PTPRM: variants seen among roughly 807,000 people sequenced by gnomAD.
PTPRM encodes the protein protein tyrosine phosphatase receptor type M, also known as receptor-type tyrosine-protein phosphatase mu.
Under a neutral mutation model 186.7 loss-of-function variants are expected in PTPRM, and 47 were observed. The observed-to-expected ratio is 0.25, with a 90% CI of 0.20 to 0.32. The LOEUF (loss-of-function observed/expected upper bound fraction) is 0.32. PTPRM is among the 10% of genes least tolerant of loss of function. PTPRM has a pLI of 1.00. For missense variants in PTPRM, 1,494 were observed against 1,865.0 expected (o/e 0.80, Z 3.66); for synonymous variants, 668 against 674.9 (o/e 0.99, Z 0.16).
intron 1 of PTPRM, among the ~76,000 whole-genome samples, chr18:7,644,438 C>T (rs2038514405): frequency 6.6e-6 from 1 of 152,082 alleles, no homozygotes; most frequent in African/African-American, 2.4e-5. Context: ...GTCAGTTCTA[C>T]TATGTAGAAG....
chr18:7,972,488 A>AG (rs1294317032), intron 7 of PTPRM, among the ~76,000 whole-genome samples: 1 of 141,610 alleles, frequency 7.1e-6, no homozygotes, highest in Non-Finnish European at 1.5e-5. Context: ...TTAAAAAAAA[A>AG]AAAAAAGGAG....
At chr18:7,737,239 G>T (rs1167241215) in intron 1 of PTPRM, among the ~76,000 whole-genome samples, 1 of 152,066 alleles carries the variant, frequency 6.6e-6, no homozygotes, top group Non-Finnish European at 1.5e-5. Flanking sequence ...GGTATTACAG[G>T]TGCCCGCCAC....
At chr18:7,829,797 C>T (rs1293812347) in intron 2 of PTPRM, among the ~76,000 whole-genome samples, 1 of 152,112 alleles carries the variant, frequency 6.6e-6, no homozygotes, top group African/African-American at 2.4e-5. Context: ...AACCAGAGTC[C>T]TCCTGTGTTG....
intron 7 of PTPRM, among the ~76,000 whole-genome samples, chr18:8,014,362 GTTTT>G (rs1448101630): frequency 6.6e-6 from 1 of 151,944 alleles, no homozygotes; most frequent in Non-Finnish European, 1.5e-5. Flanking sequence ...TATTTCAAAG[GTTTT>G]TTTGTTTGTT....
At chr18:7,914,731 A>T (rs1417321285) in intron 4 of PTPRM, among the ~76,000 whole-genome samples, 1 of 152,276 alleles carries the variant, frequency 6.6e-6, no homozygotes, top group East Asian at 1.9e-4. Flanking sequence ...GTTTAATTGT[A>T]TGTCCATCGT....
chr18:7,946,137 C>T (rs1253434378), intron 5 of PTPRM, among the ~76,000 whole-genome samples: 1 of 152,210 alleles, frequency 6.6e-6, no homozygotes, highest in East Asian at 1.9e-4. Context: ...GTGAGTCATA[C>T]TCCTCTCAGC....
At chr18:7,726,037 T>C (rs975797711) in intron 1 of PTPRM, among the ~76,000 whole-genome samples, 20 of 152,156 alleles carry the variant, frequency 1.3e-4, no homozygotes, top group Non-Finnish European at 2.2e-4. Context: ...GAGTTCGCTC[T>C]TGCTCCTCCC....
intron 7 of PTPRM, among the ~76,000 whole-genome samples, chr18:8,044,901 C>T (rs1413156416): frequency 2.0e-5 from 3 of 152,046 alleles, no homozygotes; most frequent in East Asian, 3.9e-4. Flanking sequence ...TCGTATATTG[C>T]TGGTGGGAAT....
chr18:7,577,546 A>G (rs1415489664), intron 1 of PTPRM, among the ~76,000 whole-genome samples: 3 of 152,244 alleles, frequency 2.0e-5, no homozygotes, highest in Non-Finnish European at 4.4e-5. Flanking sequence ...CAGCATCATG[A>G]TAACATCAGG....
chr18:7,595,743 A>G (rs2037240954), intron 1 of PTPRM, among the ~76,000 whole-genome samples: 1 of 152,226 alleles, frequency 6.6e-6, no homozygotes, highest in African/African-American at 2.4e-5. Flanking sequence ...TGATATTATT[A>G]AGACTATTTC....
intron 1 of PTPRM, chr18:7,751,152 C>T (rs1166741177): frequency 1.3e-5 from 2 of 152,146 alleles, no homozygotes; most frequent in African/African-American, 4.8e-5. Context: ...TCACTTTGTT[C>T]CCAGCTTACC....
At chr18:7,904,875 A>T (rs543165622) in intron 3 of PTPRM, among the ~76,000 whole-genome samples, 22 of 152,340 alleles carry the variant, frequency 1.4e-4, no homozygotes, top group Non-Finnish European at 2.9e-4. Context: ...TGGAGGTCAA[A>T]ATAACATTCA....
intron 14 of PTPRM, among the ~76,000 whole-genome samples, chr18:8,240,797 A>G (rs865915833): frequency 1.2e-3 from 56 of 46,570 alleles, no homozygotes; most frequent in African/African-American, 7.6e-3. Context: ...AGAGAGAGAG[A>G]GAGAGAGAGA....
In PTPRM at chr18:8,126,027, A is replaced by ATATTTTTTT. The variant is rs57751538; in HGVS notation, c.2167+11201_2167+11202insATTTTTTTT. Reference sequence around the variant, plus strand: ...TATATATATATATATATATATATATATTTTAAATCAGTAGACCTTTCCATT... The same window carrying ATATTTTTTT: ...TATATATATATATATATATATATATATATTTTTTTTTTTAAATCAGTAGACCTTTCCATT... On this transcript the variant is annotated intron_variant, in intron 13 of 32. Transcript: ENST00000580170. Among the ~76,000 whole-genome samples the ATATTTTTTT allele has an allele frequency of 7.7e-3, 532 of 69,120 alleles. 19 individuals are homozygous for ATATTTTTTT. The highest frequency in any genetic ancestry group is 0.011 in the Non-Finnish European group (388 of 35,068). 45.3% of individuals were successfully genotyped at this position (69,120 alleles called of 152,430 possible). A position where few individuals can be genotyped will look rare whatever the true frequency, so the allele number is the denominator to read the frequency against.
At chr18:8,213,694 T>C (rs1329667552) in intron 14 of PTPRM, among the ~76,000 whole-genome samples, 1 of 152,138 alleles carries the variant, frequency 6.6e-6, no homozygotes, top group Non-Finnish European at 1.5e-5. Flanking sequence ...AATTATGACC[T>C]CCAGTTTCTC....
At chr18:8,219,572 A>G (rs1223581537) in intron 14 of PTPRM, among the ~76,000 whole-genome samples, 1 of 152,232 alleles carries the variant, frequency 6.6e-6, no homozygotes, top group African/African-American at 2.4e-5. Flanking sequence ...ACAGTTTTCT[A>G]CATTTTGGAG....
At chr18:8,104,850 G>A (rs890727633) in intron 11 of PTPRM, among the ~76,000 whole-genome samples, 4 of 152,142 alleles carry the variant, frequency 2.6e-5, no homozygotes, top group African/African-American at 4.8e-5. Flanking sequence ...GTGTTTTTCT[G>A]CTGGTATGTA....
intron 14 of PTPRM, among the ~76,000 whole-genome samples, chr18:8,226,866 A>T (rs2094220111): frequency 6.6e-6 from 1 of 151,848 alleles, no homozygotes; most frequent in Non-Finnish European, 1.5e-5. Context: ...CCTTTTTTCC[A>T]CTTCTGGAGA....
intron 1 of PTPRM, among the ~76,000 whole-genome samples, chr18:7,709,033 A>G (rs1157131837): frequency 6.6e-6 from 1 of 152,142 alleles, no homozygotes; most frequent in Non-Finnish European, 1.5e-5. Context: ...CACTTTAAAA[A>G]GCACACTCCT....
Sources: allele counts gnomAD v4.1 joint callset (sites outside exome capture counted in the v4.1 genomes callset), GRCh38; gene constraint gnomAD v4.1.1; transcripts MANE v1.5; gene names NCBI Gene and HGNC (gene_info 2026-07-23, HGNC 2026-07-21).